SCHIP1: variants seen among roughly 807,000 people sequenced by gnomAD.
SCHIP1 encodes schwannomin-interacting protein 1.
Under a neutral mutation model 29.7 loss-of-function variants are expected in SCHIP1, and 8 were observed. The ratio of observed to expected loss-of-function variants is 0.27; its 90% CI spans 0.16 to 0.49. The LOEUF is 0.49. SCHIP1 is among the 20% of genes least tolerant of loss of function. The probability of loss-of-function intolerance (pLI) is 0.99; values close to 1 mark genes in which losing one functional copy is unlikely to be tolerated. For synonymous variants in SCHIP1, 76 were observed against 94.9 expected (o/e 0.80, Z 1.16); for missense variants, 193 against 294.6 (o/e 0.66, Z 2.52).
chr3:159,834,555 G>T, the SCHIP1 span, among the ~76,000 whole-genome samples: 3 of 152,262 alleles, frequency 2.0e-5, no homozygotes, highest in East Asian at 5.8e-4. Context: ...TTTCTGCGAA[G>T]CATTTTTAAA....
the SCHIP1 span, among the ~76,000 whole-genome samples, chr3:159,486,614 C>T: frequency 1.3e-5 from 2 of 152,178 alleles, no homozygotes; most frequent in East Asian, 1.9e-4. Flanking sequence ...GAAGGCACTC[C>T]CTCAGGAAGG....
the SCHIP1 span, among the ~76,000 whole-genome samples, chr3:159,731,067 GT>G: frequency 1.3e-5 from 2 of 152,150 alleles, no homozygotes; most frequent in African/African-American, 4.8e-5. Context: ...GCCAAATTCC[GT>G]TTTTAAAAGA....
the SCHIP1 span, among the ~76,000 whole-genome samples, chr3:159,513,236 G>A: frequency 6.6e-6 from 1 of 152,200 alleles, no homozygotes; most frequent in African/African-American, 2.4e-5. Context: ...GAGATTTGAT[G>A]TGGGGGGTAC....
the SCHIP1 span, among the ~76,000 whole-genome samples, chr3:159,388,500 A>G: frequency 2.6e-5 from 4 of 152,112 alleles, no homozygotes; most frequent in East Asian, 5.8e-4. Context: ...TTTTCCTTAT[A>G]TATATTTATG....
intron 6 of SCHIP1, among the ~76,000 whole-genome samples, chr3:159,896,292 A>G (rs1215692689): frequency 1.3e-5 from 2 of 152,094 alleles, no homozygotes; most frequent in African/African-American, 4.8e-5. Context: ...GCTTATTTCC[A>G]TCTGTTATTT....
chr3:159,614,210 T>C, the SCHIP1 span, among the ~76,000 whole-genome samples: 3 of 152,184 alleles, frequency 2.0e-5, no homozygotes, highest in Non-Finnish European at 4.4e-5. Context: ...AAGAAAATGA[T>C]TGCATACAGA....
the SCHIP1 span, among the ~76,000 whole-genome samples, chr3:159,816,012 A>T: frequency 6.6e-6 from 1 of 151,604 alleles, no homozygotes; most frequent in African/African-American, 2.4e-5. Flanking sequence ...GCAGTGGTGC[A>T]ATCTCAGCTC....
At chr3:159,874,606 C>T (rs183416051) in intron 2 of SCHIP1, among the ~76,000 whole-genome samples, 1 of 152,290 alleles carries the variant, frequency 6.6e-6, no homozygotes, top group East Asian at 1.9e-4. Context: ...AAGTGAGGAA[C>T]TGAGAATCTG....
At chr3:159,293,142 G>T in the SCHIP1 span, among the ~76,000 whole-genome samples, 1 of 152,136 alleles carries the variant, frequency 6.6e-6, no homozygotes, top group African/African-American at 2.4e-5. Flanking sequence ...TTTCAATTTG[G>T]TTGGCTGTTT....
intron 2 of SCHIP1, among the ~76,000 whole-genome samples, chr3:159,867,620 C>A (rs1714755494): frequency 6.6e-6 from 1 of 152,182 alleles, no homozygotes; most frequent in Non-Finnish European, 1.5e-5. Context: ...TGTGTTCCTA[C>A]ACATCCCTCC....
At chr3:159,590,328 C>T in the SCHIP1 span, among the ~76,000 whole-genome samples, 2 of 152,154 alleles carry the variant, frequency 1.3e-5, no homozygotes, top group African/African-American at 2.4e-5. Context: ...ACAGTCCCAG[C>T]ACTTTCAGAG....
chr3:159,618,124 C>G, the SCHIP1 span, among the ~76,000 whole-genome samples: 4 of 152,214 alleles, frequency 2.6e-5, no homozygotes, highest in Non-Finnish European at 5.9e-5. Context: ...TGTAGGTATG[C>G]TGTACTTTCC....
chr3:159,541,333 G>A, the SCHIP1 span, among the ~76,000 whole-genome samples: 1 of 152,086 alleles, frequency 6.6e-6, no homozygotes, highest in African/African-American at 2.4e-5. Flanking sequence ...GGCTACAGGG[G>A]CATAAACATT....
chr3:159,463,108 A>ATATATAGTATATACATACTATATATACAG, the SCHIP1 span, among the ~76,000 whole-genome samples: 1 of 151,734 alleles, frequency 6.6e-6, no homozygotes, highest in African/African-American at 2.4e-5. Flanking sequence ...GTCAATCTCT[A>ATATATAGTATATACATACTATATATACAG]TATATAGTAT....
the SCHIP1 span, among the ~76,000 whole-genome samples, chr3:159,427,493 T>A: frequency 6.6e-6 from 1 of 152,058 alleles, no homozygotes; most frequent in Non-Finnish European, 1.5e-5. Context: ...TTACAAGGGA[T>A]GTGAAGGACC....
At chr3:159,534,283 T>C in the SCHIP1 span, among the ~76,000 whole-genome samples, 1 of 152,156 alleles carries the variant, frequency 6.6e-6, no homozygotes, top group African/African-American at 2.4e-5. Context: ...TACCAATAGA[T>C]GAACTAGGCA....
chr3:159,554,458 G>A, the SCHIP1 span, among the ~76,000 whole-genome samples: 1 of 152,096 alleles, frequency 6.6e-6, no homozygotes, highest in Non-Finnish European at 1.5e-5. Context: ...GGGTGCCGAG[G>A]CTTAAAAATC....
At chr3:159,710,227 G>T in the SCHIP1 span, among the ~76,000 whole-genome samples, 2 of 151,698 alleles carry the variant, frequency 1.3e-5, no homozygotes. Flanking sequence ...TTTTTAATAC[G>T]CTAGATATAC....
chr3:159,285,085 T>C, the SCHIP1 span, among the ~76,000 whole-genome samples: 2 of 152,174 alleles, frequency 1.3e-5, no homozygotes, highest in African/African-American at 4.8e-5. Context: ...TTTCTTATTT[T>C]GTTAAATTGA....
Sources: gnomAD v4.1 joint callset for allele counts (sites outside exome capture counted in the v4.1 genomes callset) on GRCh38, gnomAD v4.1.1 for gene constraint, MANE v1.5 for transcripts, NCBI Gene and HGNC (gene_info 2026-07-23, HGNC 2026-07-21) for gene names.